Variants in CRYZL1 observed in about 807,000 individuals in gnomAD.
CRYZL1 encodes the protein ferry endosomal RAB5 effector complex subunit 4.
CRYZL1 carries 34 observed loss-of-function variants against 50.6 expected under a neutral mutation model. That is an observed-to-expected ratio of 0.67 (90% CI 0.51 to 0.89). The LOEUF is 0.89. Among genes scored for constraint, CRYZL1 ranks in the 40% least tolerant of loss-of-function variants. The pLI is 0.00. For missense variants in CRYZL1, 354 were observed against 402.3 expected, an observed-to-expected ratio of 0.88 and a Z score of 1.03; for synonymous variants, 125 against 134.3, an observed-to-expected ratio of 0.93 and a Z score of 0.48.
chr21:33,591,512 T>C lies in CRYZL1; in HGVS notation c.905-305A>G, dbSNP rs535903154. ...ATCTCAATGGATGCGAATGAAATAG[T>C]GTCTAGTTTTCATTTCTACACTACA... On this transcript the variant is annotated intron_variant, in intron 11 of 12. Coordinates refer to ENST00000381554, the MANE Select transcript of CRYZL1 (RefSeq NM_145858.3). The C allele has an allele frequency of 8.3e-5, 33 of 399,432 alleles. 1 individual carries two copies. In the South Asian group the frequency reaches 1.4e-3, roughly 17 times the overall value. The allele number at this position is 399,432 out of a possible 1,614,324, so 24.7% of individuals were successfully genotyped here. A position where few individuals can be genotyped will look rare whatever the true frequency, so the allele number is the denominator to read the frequency against.
rs190988239 is a variant in CRYZL1 at position 33,618,017 on chromosome 21, C to T, written c.218-1267G>A. 3.3e-5 allele frequency among the ~76,000 whole-genome samples: 5 copies of T among 152,110 alleles called. No homozygotes were observed. In the East Asian group the frequency reaches 7.7e-4, roughly 24 times the overall value. On this transcript the variant is annotated intron_variant, in intron 4 of 12. Coordinates refer to ENST00000381554, the MANE Select transcript of CRYZL1 (RefSeq NM_145858.3). ...ACTTTATAGAAATGATGGCCGGGCG[C>T]GGTGGCTCACGCCTGTAATCCCAGC...
chr21:33,636,450 T>G (rs1048446823), intron 1 of CRYZL1, among the ~76,000 whole-genome samples: 4 of 152,190 alleles, frequency 2.6e-5, no homozygotes, highest in African/African-American at 9.7e-5. Context: ...ATTTTATACT[T>G]TTACAGGTAT....
intron 6 of CRYZL1, among the ~76,000 whole-genome samples, chr21:33,610,003 C>CTT (rs35773163): frequency 1.8e-4 from 25 of 136,146 alleles, no homozygotes; most frequent in East Asian, 6.4e-4. Flanking sequence ...CATGCCTAGC[C>CTT]TTTTTTTTTT....
At chr21:33,591,266 T>A in intron 11 of CRYZL1, 59 bp from the exon 12 acceptor site, 1 of 1,381,554 alleles carries the variant, frequency 7.2e-7, no homozygotes, top group Non-Finnish European at 1.0e-6. Context: ...AACCATTCAA[T>A]AAGCAGAGGA....
chr21:33,641,271 C>G, intron 1 of CRYZL1: 1 of 1,550,180 alleles, frequency 6.5e-7, no homozygotes, highest in Non-Finnish European at 8.7e-7. Flanking sequence ...AACTGCTTTC[C>G]GAAAACAGCA....
At chr21:33,608,824 T>C (rs2086840373) in intron 6 of CRYZL1, among the ~76,000 whole-genome samples, 1 of 152,218 alleles carries the variant, frequency 6.6e-6, no homozygotes, top group Non-Finnish European at 1.5e-5. Context: ...GCAATGAATA[T>C]GGGAGTGCAA....
chr21:33,634,881 A>AT (rs1491339183), intron 1 of CRYZL1, among the ~76,000 whole-genome samples: 1 of 7,518 alleles, frequency 1.3e-4, no homozygotes, highest in Non-Finnish European at 2.2e-4. Context: ...AACAACAACA[A>AT]TATATATATA....
chr21:33,603,420 A>C lies in CRYZL1; in HGVS notation c.449T>G (p.Ile150Arg). The change falls in exon 7 of 13, where the codon ATA (isoleucine) becomes AGA (arginine). Residue 150 changes from isoleucine to arginine, a missense_variant. Coordinates refer to ENST00000381554, the MANE Select transcript of CRYZL1 (RefSeq NM_145858.3). ...AGCACCTACACTTGCTCCATCCATTATCAGCACTGATTTTCCAGGAGAGAG... is the reference window on the plus strand; with the variant it reads ...AGCACCTACACTTGCTCCATCCATTCTCAGCACTGATTTTCCAGGAGAGAG... ...SHLSPGKSVL[I>R]MDGASAFGTI... 1 of 1,614,146 alleles carries C rather than the reference A, an allele frequency of 6.2e-7. No homozygotes were observed.
chr21:33,600,464 T>G (rs1168565981), intron 8 of CRYZL1, among the ~76,000 whole-genome samples: 1 of 152,176 alleles, frequency 6.6e-6, no homozygotes, highest in African/African-American at 2.4e-5. Flanking sequence ...GAATTCCTCT[T>G]AGAGCTGCTC....
intron 4 of CRYZL1, among the ~76,000 whole-genome samples, chr21:33,619,504 T>C (rs529666276): frequency 1.3e-5 from 2 of 152,254 alleles, no homozygotes; most frequent in Non-Finnish European, 2.9e-5. Context: ...CACATAATCA[T>C]GAAAGTATTT....
rs560878135 is a variant in CRYZL1, at chr21:33,639,243, A to T, written c.-7+2438T>A. 1.2e-4 allele frequency among the ~76,000 whole-genome samples: 18 copies of T among 152,282 alleles called. No individual in the cohort carries two copies. The South Asian group carries it at 3.7e-3, about 32-fold the overall frequency. ...CTTACATGACCAATTCCCCACCCAT[A>T]TCTCTGGGGGTTGGAGACGTGGGAT... On this transcript the variant is annotated intron_variant, in intron 1 of 12. Transcript: ENST00000381554.
Position 33,614,411 on chromosome 21 carries a change from T to C in CRYZL1, c.263-805A>G, listed in dbSNP as rs140320815. Among the ~76,000 whole-genome samples, 530 of 151,896 alleles carry C rather than the reference T, an allele frequency of 3.5e-3. 3 individuals carry two copies. Among genetic ancestry groups the C allele is most frequent in the African/African-American group, 0.012 (501 of 41,400 alleles). ...GGCTGAGGCAGGAGGACTGCTTGAG[T>C]CCAGGAGTTCAGGGCTGCAATGAGC... On this transcript the variant is annotated intron_variant, in intron 5 of 12. Transcript: ENST00000381554.
intron 1 of CRYZL1, among the ~76,000 whole-genome samples, chr21:33,640,927 T>C (rs2087297228): frequency 6.6e-6 from 1 of 152,264 alleles, no homozygotes; most frequent in African/African-American, 2.4e-5. Context: ...TGTTTAAGCG[T>C]TGAAATGATA....
At chr21:33,622,542 G>T (rs1488950299) in intron 3 of CRYZL1, among the ~76,000 whole-genome samples, 1 of 152,162 alleles carries the variant, frequency 6.6e-6, no homozygotes, top group Non-Finnish European at 1.5e-5. Flanking sequence ...TAGGGAGTGG[G>T]TGAGAAGTAG....
chr21:33,623,447 G>C (rs2087025165), intron 3 of CRYZL1, among the ~76,000 whole-genome samples: 1 of 152,040 alleles, frequency 6.6e-6, no homozygotes, highest in Non-Finnish European at 1.5e-5. Flanking sequence ...ATTTATTTCT[G>C]TTAGACAAGG....
At chr21:33,631,652 G>T in intron 1 of CRYZL1, 95 bp from the exon 2 acceptor site, 1 of 703,930 alleles carries the variant, frequency 1.4e-6, no homozygotes, top group South Asian at 3.4e-5. Context: ...AGGATAAAAC[G>T]ACAACTACAA....
At chr21:33,617,733 T>A (rs1188141372) in intron 4 of CRYZL1, among the ~76,000 whole-genome samples, 3 of 152,158 alleles carry the variant, frequency 2.0e-5, no homozygotes, top group African/African-American at 7.2e-5. Flanking sequence ...ATTTTCACAA[T>A]GCTTTTCCAT....
At chr21:33,640,580 T>C (rs2087276020) in intron 1 of CRYZL1, among the ~76,000 whole-genome samples, 1 of 152,190 alleles carries the variant, frequency 6.6e-6, no homozygotes, top group South Asian at 2.1e-4. Flanking sequence ...TTCAGAAATG[T>C]TGGCTATTTT....
chr21:33,603,349 T>C, intron 7 of CRYZL1, 55 bp downstream of exon 7: 1 of 1,588,578 alleles, frequency 6.3e-7, no homozygotes, highest in Non-Finnish European at 8.6e-7. Flanking sequence ...CATTGCTAAA[T>C]TTCCTAAGTT....
Sources: gnomAD v4.1 joint callset for allele counts (sites outside exome capture counted in the v4.1 genomes callset) on GRCh38, gnomAD v4.1.1 for gene constraint, MANE v1.5 for transcripts, NCBI Gene and HGNC (gene_info 2026-07-23, HGNC 2026-07-21) for gene names.